Variants in PHACTR3 observed in about 807,000 individuals in gnomAD.
PHACTR3 encodes protein phosphatase 1, regulatory subunit 123.
In PHACTR3, 16 loss-of-function variants were observed where a neutral mutation model predicts 66.8. That is an observed-to-expected ratio of 0.24 (90% CI 0.16 to 0.36). PHACTR3 has a LOEUF of 0.36. Among genes scored for constraint, PHACTR3 ranks in the 10% least tolerant of loss-of-function variants. PHACTR3 has a pLI of 1.00. For synonymous variants in PHACTR3, 323 were observed against 292.1 expected, an observed-to-expected ratio of 1.11 and a Z score of -1.08; for missense variants, 647 against 719.9, an observed-to-expected ratio of 0.90 and a Z score of 1.16.
rs186099121 is a variant in PHACTR3, at chr20:59,591,784, C to T, written c.109+14167C>T. Among the ~76,000 whole-genome samples the T allele has an allele frequency of 5.8e-4, 88 of 152,192 alleles. No homozygotes were observed. In the South Asian group the frequency reaches 0.015, roughly 26 times the overall value. On this transcript the variant is annotated intron_variant, in intron 1 of 12. Transcript: ENST00000359926. ...TCACCGCAGAAACCATGTGGCTCCC[C>T]GCAGCAGGGCCAAGGCGTCTGTTAC...
chr20:59,698,499 C>G (rs1353474334), intron 1 of PHACTR3, among the ~76,000 whole-genome samples: 1 of 152,004 alleles, frequency 6.6e-6, no homozygotes, highest in Non-Finnish European at 1.5e-5. Context: ...TACATATAAA[C>G]ACACACCAGA....
At chr20:59,583,310 G>T (rs1289813559) in intron 1 of PHACTR3, among the ~76,000 whole-genome samples, 1 of 152,300 alleles carries the variant, frequency 6.6e-6, no homozygotes, top group Admixed American at 6.5e-5. Context: ...TGGTCTGGGG[G>T]TGGGGACAGA....
At chr20:59,824,093 G>A (rs2042120251) in intron 8 of PHACTR3, among the ~76,000 whole-genome samples, 1 of 152,160 alleles carries the variant, frequency 6.6e-6, no homozygotes, top group South Asian at 2.1e-4. Flanking sequence ...CCACTGATCA[G>A]ATCAGGCCCA....
upstream of PHACTR3, among the ~76,000 whole-genome samples, chr20:59,599,605 G>A (rs1316909751): frequency 6.6e-6 from 1 of 152,074 alleles, no homozygotes. Context: ...CCACCCAGGA[G>A]ATAGCATCAC....
intron 1 of PHACTR3, among the ~76,000 whole-genome samples, chr20:59,724,561 C>T (rs946875494): frequency 8.5e-5 from 13 of 152,072 alleles, no homozygotes; most frequent in East Asian, 5.8e-4. Flanking sequence ...CGTGCGTGGC[C>T]GGCAGGGACC....
chr20:59,787,138 A>G (rs908675413), intron 7 of PHACTR3, among the ~76,000 whole-genome samples: 1 of 152,342 alleles, frequency 6.6e-6, no homozygotes, highest in Admixed American at 6.5e-5. Flanking sequence ...AATAGACACC[A>G]CGTTTTTGTA....
At chr20:59,676,467 C>A (rs866064467) in intron 1 of PHACTR3, among the ~76,000 whole-genome samples, 23 of 152,184 alleles carry the variant, frequency 1.5e-4, no homozygotes, top group African/African-American at 5.3e-4. Flanking sequence ...CCCACCCCCA[C>A]CTCATCTCTG....
intron 1 of PHACTR3, among the ~76,000 whole-genome samples, chr20:59,670,985 T>C (rs74716842): frequency 6.6e-6 from 1 of 152,208 alleles, no homozygotes; most frequent in Non-Finnish European, 1.5e-5. Context: ...TCTGTGCTCA[T>C]GTGCGCATGC....
intron 3 of PHACTR3, among the ~76,000 whole-genome samples, chr20:59,750,775 C>T (rs146034025): frequency 3.3e-4 from 51 of 152,308 alleles, no homozygotes; most frequent in African/African-American, 1.1e-3. Context: ...ACTTGCTTTT[C>T]GCAGTCGACT....
chr20:59,608,245 G>T (rs759786264), intron 1 of PHACTR3, among the ~76,000 whole-genome samples: 1 of 152,162 alleles, frequency 6.6e-6, no homozygotes, highest in Admixed American at 6.5e-5. Flanking sequence ...GGCCGGGTCT[G>T]TGGCCATGGA....
chr20:59,701,515 C>T (rs781782703), intron 1 of PHACTR3, among the ~76,000 whole-genome samples: 24 of 152,176 alleles, frequency 1.6e-4, no homozygotes, highest in Non-Finnish European at 3.1e-4. Flanking sequence ...ATGGGAAAGA[C>T]CTGGATAGAA....
intron 1 of PHACTR3, among the ~76,000 whole-genome samples, chr20:59,722,418 C>T (rs990505994): frequency 5.3e-5 from 8 of 152,004 alleles, no homozygotes; most frequent in Non-Finnish European, 4.4e-5. Flanking sequence ...GGCCCTGAGG[C>T]AGCAACAAAC....
chr20:59,778,110 C>T (rs1207282417), intron 7 of PHACTR3, among the ~76,000 whole-genome samples: 1 of 152,194 alleles, frequency 6.6e-6, no homozygotes, highest in African/African-American at 2.4e-5. Flanking sequence ...AGCCAACTCC[C>T]TCTTCTCTGG....
chr20:59,772,933 G>A (rs1282026762), intron 5 of PHACTR3, among the ~76,000 whole-genome samples: 3 of 152,138 alleles, frequency 2.0e-5, no homozygotes, highest in African/African-American at 7.2e-5. Flanking sequence ...ATTCTTCCGG[G>A]TTTCCCAAGA....
At chr20:59,674,878 C>A (rs567177772) in intron 1 of PHACTR3, among the ~76,000 whole-genome samples, 1 of 103,356 alleles carries the variant, frequency 9.7e-6, no homozygotes, top group South Asian at 4.4e-4. Context: ...TCCTGTCCCC[C>A]GCTTCTCCTG....
At chr20:59,686,725 A>ATGATGATGGTGG (rs1568711521) in intron 1 of PHACTR3, among the ~76,000 whole-genome samples, 6 of 92,412 alleles carry the variant, frequency 6.5e-5, no homozygotes, top group South Asian at 3.8e-4. Context: ...GGTGGTGGTT[A>ATGATGATGGTGG]TGATGATGGT....
At chr20:59,652,245 A>G (rs1413110927) in intron 1 of PHACTR3, among the ~76,000 whole-genome samples, 1 of 152,158 alleles carries the variant, frequency 6.6e-6, no homozygotes, top group Non-Finnish European at 1.5e-5. Flanking sequence ...ACCAATTCAA[A>G]TGCTAGTCTC....
chr20:59,778,764 T>C (rs555480488), intron 7 of PHACTR3, among the ~76,000 whole-genome samples: 118 of 152,236 alleles, frequency 7.8e-4, no homozygotes, highest in African/African-American at 2.7e-3. Flanking sequence ...TACTAACAGG[T>C]GCCAGGTCCA....
chr20:59,695,303 C>T (rs182466691), intron 1 of PHACTR3, among the ~76,000 whole-genome samples: 87 of 152,202 alleles, frequency 5.7e-4, no homozygotes, highest in Non-Finnish European at 1.1e-3. Flanking sequence ...GTGGATTTCC[C>T]CTTGCTGTTC....
Sources: allele counts gnomAD v4.1 joint callset (sites outside exome capture counted in the v4.1 genomes callset), GRCh38; gene constraint gnomAD v4.1.1; transcripts MANE v1.5; gene names NCBI Gene and HGNC (gene_info 2026-07-23, HGNC 2026-07-21).